GLP2R: variants seen among roughly 807,000 people sequenced by gnomAD.
The protein encoded by GLP2R is glucagon-like peptide 2 receptor.
GLP2R carries 59 observed loss-of-function variants against 68.2 expected under a neutral mutation model. That is an observed-to-expected ratio of 0.87 (90% CI 0.70 to 1.07). The LOEUF (loss-of-function observed/expected upper bound fraction) is 1.07, where lower values mean the gene tolerates loss of function less well. GLP2R is among the 50% of genes least tolerant of loss of function. The pLI is 0.00. For synonymous variants in GLP2R, 270 were observed against 265.4 expected (o/e 1.02, Z -0.17); for missense variants, 548 against 677.4 (o/e 0.81, Z 2.12).
Position 9,826,265 on chromosome 17 carries a change from CATT to C in GLP2R, c.189+28_189+30del, listed in dbSNP as rs549825436. 2.7e-4 allele frequency: 404 copies of C among 1,523,066 alleles called. No homozygotes were observed. Among genetic ancestry groups the C allele is most frequent in the South Asian group, 4.5e-4 (36 of 80,772 alleles). The allele number at this position is 1,523,066 out of a possible 1,614,324, so 94.3% of individuals were successfully genotyped here. ...TTCCATCAAGCAAGTAAGAGCAGTT[CATT>C]ATTATTATTATTATCAGTTGTATTT... On this transcript the variant is annotated intron_variant, in intron 1 of 12. Transcript: ENST00000262441.
chr17:9,830,522 T>C (rs1409186466), intron 1 of GLP2R, among the ~76,000 whole-genome samples: 1 of 152,192 alleles, frequency 6.6e-6, no homozygotes, highest in Non-Finnish European at 1.5e-5. Context: ...GATTCCAAAC[T>C]CATAGGAAAC....
rs750171450 is a variant in GLP2R, at chr17:9,826,168, T to C, written c.105T>C (p.Ser35=). The C allele has an allele frequency of 5.0e-6, 8 of 1,613,130 alleles. No homozygotes were observed. The East Asian group carries it at 1.6e-4, about 31-fold the overall frequency. ...GCATCCCTGCCCCCTGGGGGACCAGTCCTCTCTCCTTCCACAGGAAGTGCT... is the reference window on the plus strand; with the variant it reads ...GCATCCCTGCCCCCTGGGGGACCAGCCCTCTCTCCTTCCACAGGAAGTGCT... ...PMGIPAPWGT[S]PLSFHRKCSL... is the part of the protein sequence containing the mutation. Residue 35 remains serine, a synonymous_variant, in exon 1 of 13, where the codon AGT becomes AGC. Coordinates refer to ENST00000262441, the MANE Select transcript of GLP2R (RefSeq NM_004246.3).
At chr17:9,837,241 C>G (rs1232155535) in intron 3 of GLP2R, among the ~76,000 whole-genome samples, 4 of 152,146 alleles carry the variant, frequency 2.6e-5, no homozygotes, top group Non-Finnish European at 5.9e-5. Context: ...CCCATCATCC[C>G]TCCCCACCTC....
chr17:9,857,702 G>T (rs2066947179), intron 6 of GLP2R, 126 bp downstream of exon 6: 12 of 906,348 alleles, frequency 1.3e-5, no homozygotes, highest in Non-Finnish European at 3.4e-6. Flanking sequence ...AGACTTTCTG[G>T]CTAGAGAAGT....
intron 11 of GLP2R, among the ~76,000 whole-genome samples, chr17:9,881,378 C>CTTTTTTTTTTTTT (rs35526930): frequency 1.1e-4 from 11 of 95,656 alleles, no homozygotes; most frequent in South Asian, 3.3e-4. Flanking sequence ...GCTGTCAGGC[C>CTTTTTTTTTTTTT]TTTTTTTTTT....
chr17:9,847,363 G>T (rs1246277773), intron 4 of GLP2R, among the ~76,000 whole-genome samples: 1 of 151,954 alleles, frequency 6.6e-6, no homozygotes, highest in South Asian at 2.1e-4. Context: ...TCCGCCTTCC[G>T]GTTTCAAGCG....
At position 9,890,214 on chromosome 17, in the gene GLP2R, A is replaced by G; in HGVS notation, c.*509A>G. 2.7e-6 allele frequency: 1 copy of G among 368,808 alleles called. No homozygotes were observed. The highest frequency in any genetic ancestry group is 7.4e-5 in the East Asian group (1 of 13,492). 22.8% of individuals were successfully genotyped at this position (368,808 alleles called of 1,614,324 possible). The stretch of plus-strand genomic sequence containing the variant: ...GAGCTGTTTAATAAGCATCCCAGGT[A>G]ATTCTGCTGCAAGCCCACCCTTGGA... On this transcript the variant is annotated 3_prime_UTR_variant, in exon 13 of 13. Transcript: ENST00000262441.
At chr17:9,880,280 A>G (rs2067183312) in intron 10 of GLP2R, 98 bp from the exon 11 acceptor site, 1 of 716,310 alleles carries the variant, frequency 1.4e-6, no homozygotes, top group Non-Finnish European at 2.4e-6. Context: ...AACTATCAAT[A>G]TGGTAAGAGC....
intron 9 of GLP2R, among the ~76,000 whole-genome samples, chr17:9,869,995 C>T (rs917976151): frequency 2.6e-5 from 4 of 152,148 alleles, no homozygotes; most frequent in South Asian, 2.1e-4. Context: ...CCATGACAGT[C>T]GTGGAATGTA....
intron 10 of GLP2R, among the ~76,000 whole-genome samples, chr17:9,872,662 G>A (rs2067105958): frequency 6.6e-6 from 1 of 152,228 alleles, no homozygotes; most frequent in South Asian, 2.1e-4. Flanking sequence ...GGACTAGGAT[G>A]TTGGCATGGA....
At chr17:9,883,962 G>A (rs1157133702) in intron 11 of GLP2R, among the ~76,000 whole-genome samples, 1 of 152,116 alleles carries the variant, frequency 6.6e-6, no homozygotes, top group Admixed American at 6.5e-5. Flanking sequence ...AATCTGAAAG[G>A]CTATGTGTAG....
intron 9 of GLP2R, among the ~76,000 whole-genome samples, chr17:9,870,366 C>T (rs557122408): frequency 6.6e-6 from 1 of 152,114 alleles, no homozygotes. Flanking sequence ...GTACTCAATA[C>T]GTGGTAGTTA....
rs1597410343 is a variant in GLP2R at position 9,889,941 on chromosome 17, C to G, written c.*236C>G. The G allele has an allele frequency of 1.2e-5, 7 of 595,156 alleles. No individual in the cohort carries two copies. Among genetic ancestry groups the G allele is most frequent in the Non-Finnish European group, 2.2e-5 (7 of 316,946 alleles). 36.9% of individuals were successfully genotyped at this position (595,156 alleles called of 1,614,324 possible). A position where few individuals can be genotyped will look rare whatever the true frequency, so the allele number is the denominator to read the frequency against. ...CTAATAACCCCCACCAGTGTGTTTTCCACAATGCCCACCAGACCCTAGGGC... is the reference window on the plus strand; with the variant it reads ...CTAATAACCCCCACCAGTGTGTTTTGCACAATGCCCACCAGACCCTAGGGC... On this transcript the variant is annotated 3_prime_UTR_variant, in exon 13 of 13. Transcript: ENST00000262441.
chr17:9,887,686 A>C (rs989385499), intron 11 of GLP2R, among the ~76,000 whole-genome samples: 1 of 152,208 alleles, frequency 6.6e-6, no homozygotes, highest in Non-Finnish European at 1.5e-5. Flanking sequence ...CAATCTAAGC[A>C]AACACCTAGG....
At chr17:9,827,133 T>A (rs918182409) in intron 1 of GLP2R, among the ~76,000 whole-genome samples, 1 of 152,118 alleles carries the variant, frequency 6.6e-6, no homozygotes, top group Non-Finnish European at 1.5e-5. Context: ...CCTCCCAAAG[T>A]GCTGAGATTA....
At chr17:9,833,464 CTCTT>C (rs1326130821) in intron 1 of GLP2R, among the ~76,000 whole-genome samples, 2 of 152,294 alleles carry the variant, frequency 1.3e-5, no homozygotes, top group East Asian at 3.9e-4. Context: ...TGATGCGTCT[CTCTT>C]TGGGATCTAC....
chr17:9,842,671 G>C, intron 4 of GLP2R, 55 bp downstream of exon 4: 1 of 1,598,320 alleles, frequency 6.3e-7, no homozygotes, highest in South Asian at 1.1e-5. Flanking sequence ...ACCCTCCTTC[G>C]GGACACCCCA....
In GLP2R at chr17:9,877,376, C is replaced by T. The variant is rs554823784; in HGVS notation, c.1146-3002C>T. ...TAGAATAAGGTGAAGGGTAGACAATCCCTTCATGTCTCCATCCAGAAGGGT... is the reference window on the plus strand; with the variant it reads ...TAGAATAAGGTGAAGGGTAGACAATTCCTTCATGTCTCCATCCAGAAGGGT... On this transcript the variant is annotated intron_variant, in intron 10 of 12. Transcript: ENST00000262441. 3.3e-5 allele frequency among the ~76,000 whole-genome samples: 5 copies of T among 152,244 alleles called. No homozygotes were observed. The East Asian group carries it at 9.6e-4, about 29-fold the overall frequency.
At chr17:9,888,703 G>A (rs962345308) in intron 12 of GLP2R, among the ~76,000 whole-genome samples, 3 of 152,178 alleles carry the variant, frequency 2.0e-5, no homozygotes, top group Middle Eastern at 3.2e-3. Context: ...CTGATCTCAA[G>A]TAATCCACCT....
Sources: gnomAD v4.1 joint callset for allele counts (sites outside exome capture counted in the v4.1 genomes callset) on GRCh38, gnomAD v4.1.1 for gene constraint, MANE v1.5 for transcripts, NCBI Gene and HGNC (gene_info 2026-07-23, HGNC 2026-07-21) for gene names.